The following TBC1D1 variants were observed in gnomAD, a reference collection of about 807,000 sequenced individuals.
TBC1D1 encodes TBC1 domain family member 1.
Under a neutral mutation model 125.6 loss-of-function variants are expected in TBC1D1, and 89 were observed. The ratio of observed to expected loss-of-function variants is 0.71; its 90% CI spans 0.60 to 0.85. TBC1D1 has a LOEUF of 0.85. Among genes scored for constraint, TBC1D1 ranks in the 40% least tolerant of loss-of-function variants. TBC1D1 has a pLI of 0.00. For missense variants in TBC1D1, 1,377 were observed against 1,469.2 expected, an observed-to-expected ratio of 0.94 and a Z score of 1.03; for synonymous variants, 565 against 564.1, an observed-to-expected ratio of 1.00 and a Z score of -0.02.
In TBC1D1 at chr4:38,118,164, C is replaced by A; in HGVS notation, c.2934C>A (p.Phe978Leu). The change falls in exon 17 of 20, where the codon TTC (phenylalanine) becomes TTA (leucine). Residue 978 changes from phenylalanine (F) to leucine (L), a missense_variant. Physicochemically the swap from Phe to Leu is conservative, Grantham distance 22. Coordinates refer to ENST00000261439, the MANE Select transcript of TBC1D1 (RefSeq NM_015173.4). ...TCCTCACCATGTTTGCCTCACAGTT[C>A]CCGCTGGGATTCGTAGCCAGAGTCT... 1.2e-6 allele frequency: 2 copies of A among 1,614,210 alleles called. No homozygotes were observed. Among genetic ancestry groups the A allele is most frequent in the South Asian group, 1.1e-5 (1 of 91,086 alleles).
Position 37,995,567 on chromosome 4 carries a change from G to T in TBC1D1, c.418-18942G>T. ...AGGTTGGTGCTGATGATATGATAAA[G>T]CTCAGCACAGAAGGCCTTCAGGTCC... On this transcript the variant is annotated intron_variant, in intron 2 of 19. Coordinates refer to ENST00000261439, the MANE Select transcript of TBC1D1 (RefSeq NM_015173.4). This position sits in a 1 kb window ranked among gnomAD's most constrained non-coding sequence, Gnocchi z 4.3. 1 of 428,100 alleles carries T rather than the reference G, an allele frequency of 2.3e-6. No homozygotes were observed. The highest frequency in any genetic ancestry group is 1.8e-5 in the South Asian group (1 of 55,684). The allele number at this position is 428,100 out of a possible 1,614,324, so 26.5% of individuals were successfully genotyped here.
At position 38,035,705 on chromosome 4, in the gene TBC1D1, C is replaced by A. The variant is rs867130623; in HGVS notation, c.1413+7C>A. ...TATTGGGGAGATGAAGCAGGTATGG[C>A]ATTTTTGTCTCTTGTAATTGTTGCC... On this transcript the variant is annotated splice_region_variant and intron_variant, in intron 8 of 19. Coordinates refer to ENST00000261439, the MANE Select transcript of TBC1D1 (RefSeq NM_015173.4). The A allele has an allele frequency of 1.9e-6, 3 of 1,593,414 alleles. No homozygotes were observed. The Middle Eastern group carries it at 5.0e-4, about 265-fold the overall frequency.
intron 2 of TBC1D1, among the ~76,000 whole-genome samples, chr4:38,002,039 G>A (rs1459241501): frequency 6.6e-6 from 1 of 152,164 alleles, no homozygotes; most frequent in African/African-American, 2.4e-5. Flanking sequence ...GGCACGAAAA[G>A]TTTAAGAATC....
intron 2 of TBC1D1, among the ~76,000 whole-genome samples, chr4:37,955,944 C>T (rs1055362430): frequency 2.0e-5 from 3 of 151,852 alleles, no homozygotes; most frequent in Non-Finnish European, 2.9e-5. Flanking sequence ...TGAGACCAGC[C>T]TGGGCAACAT....
chr4:37,929,773 C>G (rs1039474893), intron 2 of TBC1D1, among the ~76,000 whole-genome samples: 1 of 152,178 alleles, frequency 6.6e-6, no homozygotes, highest in African/African-American at 2.4e-5. Flanking sequence ...TCCTCCCTAA[C>G]GTGAACTATG....
chr4:38,103,610 A>G (rs1238897130), intron 15 of TBC1D1, among the ~76,000 whole-genome samples: 1 of 152,186 alleles, frequency 6.6e-6, no homozygotes. Context: ...GCCTTGAATG[A>G]TTTTATTTTG....
chr4:38,067,635 G>A (rs6857638), intron 12 of TBC1D1, among the ~76,000 whole-genome samples: 6,650 of 152,252 alleles, frequency 0.044, 194 homozygotes, highest in South Asian at 0.082. Context: ...TTTCTGCCTG[G>A]CACTGCTTGC....
At chr4:38,134,740 A>G (rs1011509436) in intron 19 of TBC1D1, among the ~76,000 whole-genome samples, 13 of 152,232 alleles carry the variant, frequency 8.5e-5, no homozygotes, top group Non-Finnish European at 1.5e-4. Context: ...CTCCTGTGCT[A>G]TTGTTTTTGT....
intron 2 of TBC1D1, among the ~76,000 whole-genome samples, chr4:37,978,120 C>T (rs1164843008): frequency 6.6e-6 from 1 of 152,208 alleles, no homozygotes; most frequent in African/African-American, 2.4e-5. Flanking sequence ...AGAACATCAG[C>T]GCCTTCGAGA....
chr4:38,134,597 C>CT (rs1560282390), intron 19 of TBC1D1, among the ~76,000 whole-genome samples: 2 of 152,182 alleles, frequency 1.3e-5, no homozygotes, highest in African/African-American at 4.8e-5. Context: ...GTGGAAACTT[C>CT]TAATAAAGCT....
chr4:38,058,484 C>A (rs1752168078), intron 12 of TBC1D1, among the ~76,000 whole-genome samples: 1 of 152,120 alleles, frequency 6.6e-6, no homozygotes, highest in Admixed American at 6.6e-5. Flanking sequence ...GAGCCTGCAG[C>A]CGCTGGACTC....
intron 2 of TBC1D1, among the ~76,000 whole-genome samples, chr4:37,910,743 G>A (rs894189781): frequency 5.3e-5 from 8 of 152,036 alleles, no homozygotes; most frequent in African/African-American, 1.2e-4. Context: ...TTGATACAAC[G>A]GAGTGACCAT....
At chr4:37,994,371 C>G (rs1395061689) in intron 2 of TBC1D1, among the ~76,000 whole-genome samples, 2 of 152,166 alleles carry the variant, frequency 1.3e-5, no homozygotes, top group African/African-American at 4.8e-5. Flanking sequence ...CTCACTGCAG[C>G]CTTAAACTCC....
chr4:37,913,776 T>C (rs892235538), intron 2 of TBC1D1, among the ~76,000 whole-genome samples: 5 of 151,104 alleles, frequency 3.3e-5, no homozygotes, highest in African/African-American at 1.2e-4. Flanking sequence ...AGTGGCTACC[T>C]TCACCTGCAC....
chr4:37,926,785 G>C (rs1317874094), intron 2 of TBC1D1, among the ~76,000 whole-genome samples: 1 of 152,208 alleles, frequency 6.6e-6, no homozygotes, highest in Admixed American at 6.5e-5. Context: ...GTCTCAGCTG[G>C]ATTTATTGGT....
rs1345700193 is a variant in TBC1D1 at position 37,973,273 on chromosome 4, T to C, written c.418-41236T>C. 3.3e-5 allele frequency among the ~76,000 whole-genome samples: 5 copies of C among 152,188 alleles called. No homozygotes were observed. The East Asian group carries it at 9.6e-4, about 29-fold the overall frequency. On this transcript the variant is annotated intron_variant, in intron 2 of 19. Transcript: ENST00000261439. ...TTCTAACCCAGACTGCAGGAGCCTC[T>C]ACCCTGGATGTGTATATACTGAGAA...
intron 12 of TBC1D1, 107 bp from the exon 15 acceptor site, chr4:38,089,825 T>C: frequency 1.7e-6 from 2 of 1,154,030 alleles, no homozygotes; most frequent in East Asian, 2.5e-5. Context: ...TTTGGTGATA[T>C]TATTATATTT....
chr4:37,940,017 G>C (rs1043528254), intron 2 of TBC1D1, among the ~76,000 whole-genome samples: 23 of 152,092 alleles, frequency 1.5e-4, no homozygotes, highest in African/African-American at 5.6e-4. Flanking sequence ...CTCTTTTTTG[G>C]TTCCATATGA....
intron 2 of TBC1D1, among the ~76,000 whole-genome samples, chr4:37,918,737 C>T (rs1317268187): frequency 6.6e-6 from 1 of 152,192 alleles, no homozygotes; most frequent in East Asian, 1.9e-4. Context: ...CATGAGCCAC[C>T]CTGCCTGGCC....
Sources: allele counts gnomAD v4.1 joint callset (sites outside exome capture counted in the v4.1 genomes callset), GRCh38; gene constraint gnomAD v4.1.1; non-coding constraint Gnocchi (gnomAD v3.1); transcripts MANE v1.5; gene names NCBI Gene and HGNC (gene_info 2026-07-23, HGNC 2026-07-21).